HIBADH: variants seen among roughly 807,000 people sequenced by gnomAD.
HIBADH encodes the protein 3-hydroxyisobutyrate dehydrogenase, also known as 3-hydroxyisobutyrate dehydrogenase, mitochondrial.
In HIBADH, 25 loss-of-function variants were observed where a neutral mutation model predicts 36.1. The observed-to-expected ratio is 0.69, with a 90% confidence interval of 0.50 to 0.97. HIBADH has a LOEUF of 0.97. Ranked by LOEUF, HIBADH falls within the 50% of genes least tolerant of loss-of-function variation. The pLI, the probability that HIBADH is intolerant of heterozygous loss-of-function variation, is 0.00. For missense variants in HIBADH, 421 were observed against 418.0 expected, an observed-to-expected ratio of 1.01 and a Z score of -0.06; for synonymous variants, 160 against 149.5, an observed-to-expected ratio of 1.07 and a Z score of -0.51.
intron 4 of HIBADH, among the ~76,000 whole-genome samples, chr7:27,566,101 A>G (rs1411286652): frequency 6.6e-6 from 1 of 152,148 alleles, no homozygotes; most frequent in Non-Finnish European, 1.5e-5. Context: ...TGTGTACAGT[A>G]TAAAGAATAC....
chr7:27,526,462 A>T, intron 7 of HIBADH, 90 bp from the exon 8 acceptor site: 1 of 1,008,930 alleles, frequency 9.9e-7, no homozygotes, highest in Non-Finnish European at 1.4e-6. Flanking sequence ...TGAAAGAAGG[A>T]AAAATGTAAT....
intron 2 of HIBADH, among the ~76,000 whole-genome samples, chr7:27,648,068 A>C (rs570232452): frequency 6.6e-6 from 1 of 152,344 alleles, no homozygotes; most frequent in South Asian, 2.1e-4. Flanking sequence ...GCAATACCAA[A>C]TAGATGTGTT....
At chr7:27,651,316 T>C (rs1388003889) in intron 1 of HIBADH, among the ~76,000 whole-genome samples, 2 of 152,202 alleles carry the variant, frequency 1.3e-5, no homozygotes, top group African/African-American at 4.8e-5. Flanking sequence ...GTCATTTCTG[T>C]GCAACATCAT....
intron 4 of HIBADH, among the ~76,000 whole-genome samples, chr7:27,580,059 G>T (rs752725564): frequency 6.6e-6 from 1 of 152,248 alleles, no homozygotes; most frequent in South Asian, 2.1e-4. Context: ...AAGAGATATA[G>T]AACTAAATTA....
chr7:27,526,416 A>C, intron 7 of HIBADH, 44 bp from the exon 8 acceptor site: 1 of 1,543,508 alleles, frequency 6.5e-7, no homozygotes, highest in Non-Finnish European at 8.8e-7. Flanking sequence ...CTGGTGGTAA[A>C]GGCTCTTTGG....
In HIBADH at chr7:27,662,858, G is replaced by A. The variant is rs943406134; in HGVS notation, c.-70C>T. 8.9e-6 allele frequency: 11 copies of A among 1,236,922 alleles called. No homozygotes were observed. Among genetic ancestry groups the A allele is most frequent in the African/African-American group, 3.2e-5 (2 of 63,268 alleles). 76.6% of individuals were successfully genotyped at this position (1,236,922 alleles called of 1,614,324 possible). On this transcript the variant is annotated 5_prime_UTR_variant, in exon 1 of 8. Coordinates refer to ENST00000265395, the MANE Select transcript of HIBADH (RefSeq NM_152740.4). ...GAGGGCCCACAGACTGCGAGCGTGT[G>A]CAGCGGGACTGGCTGGCTCGCCCAC...
chr7:27,577,918 C>T (rs914911141), intron 4 of HIBADH, among the ~76,000 whole-genome samples: 6 of 152,174 alleles, frequency 3.9e-5, no homozygotes, highest in African/African-American at 9.7e-5. Context: ...TCTGCAACAA[C>T]TGAATCACCA....
chr7:27,645,382 T>TTTTTTTTTTTTTTTTTTTG (rs1562657294), intron 2 of HIBADH, among the ~76,000 whole-genome samples: 58 of 129,096 alleles, frequency 4.5e-4, no homozygotes, highest in African/African-American at 1.7e-3. Flanking sequence ...TTTTTTTTTT[T>TTTTTTTTTTTTTTTTTTTG]TTTTTTTTTT....
intron 4 of HIBADH, among the ~76,000 whole-genome samples, chr7:27,547,410 C>A (rs1253817700): frequency 4.6e-5 from 7 of 152,152 alleles, no homozygotes; most frequent in Non-Finnish European, 8.8e-5. Context: ...GCATTTATCA[C>A]CTCTTTAACA....
At chr7:27,655,656 T>C (rs1786285397) in intron 1 of HIBADH, among the ~76,000 whole-genome samples, 1 of 152,214 alleles carries the variant, frequency 6.6e-6, no homozygotes, top group African/African-American at 2.4e-5. Flanking sequence ...CTTTGTTTTA[T>C]ATGTAAAATA....
intron 2 of HIBADH, among the ~76,000 whole-genome samples, chr7:27,637,234 G>A (rs1785855908): frequency 6.6e-6 from 1 of 152,152 alleles, no homozygotes; most frequent in African/African-American, 2.4e-5. Flanking sequence ...GCAGAGAAAG[G>A]TTAAGTAATC....
intron 2 of HIBADH, among the ~76,000 whole-genome samples, chr7:27,633,300 C>T (rs1785780712): frequency 6.6e-6 from 1 of 152,152 alleles, no homozygotes; most frequent in African/African-American, 2.4e-5. Flanking sequence ...CCTGGCCAGC[C>T]AACTGGCAAC....
Position 27,632,421 on chromosome 7 carries a change from C to T in HIBADH, c.277G>A (p.Ala93Thr), listed in dbSNP as rs769756296. 6.2e-7 allele frequency: 1 copy of T among 1,613,126 alleles called. No individual in the cohort carries two copies. Among genetic ancestry groups the T allele is most frequent in the South Asian group, 1.1e-5 (1 of 91,054 alleles). The change falls in exon 3 of 8, where the codon GCT becomes ACT. Residue 93 changes from alanine to threonine, a missense_variant. Physicochemically the swap from Ala to Thr is moderately conservative, Grantham distance 58. Coordinates refer to ENST00000265395, the MANE Select transcript of HIBADH (RefSeq NM_152740.4). ...EQVVSSPADV[A>T]EKADRIITML... ...GTAATAATTCTGTCAGCTTTTTCAG[C>T]AACATCTGCTGGGGAAGATACTACC...
chr7:27,582,533 G>A (rs772000764), intron 4 of HIBADH, among the ~76,000 whole-genome samples: 2 of 151,932 alleles, frequency 1.3e-5, no homozygotes, highest in Non-Finnish European at 2.9e-5. Context: ...TGGCTTAGTC[G>A]TAGAATTATT....
At chr7:27,639,965 A>G (rs1785932290) in intron 2 of HIBADH, among the ~76,000 whole-genome samples, 1 of 152,160 alleles carries the variant, frequency 6.6e-6, no homozygotes. Flanking sequence ...GTTGTGAGAA[A>G]AGAAAAATAA....
intron 4 of HIBADH, among the ~76,000 whole-genome samples, chr7:27,613,354 TAGAA>T (rs1785366339): frequency 8.0e-6 from 1 of 125,706 alleles, no homozygotes; most frequent in Non-Finnish European, 1.6e-5. Flanking sequence ...CCCTGGATGG[TAGAA>T]AGAGCCTCGT....
At chr7:27,621,834 C>A (rs181051979) in intron 4 of HIBADH, among the ~76,000 whole-genome samples, 1 of 150,032 alleles carries the variant, frequency 6.7e-6, no homozygotes, top group Non-Finnish European at 1.5e-5. Flanking sequence ...TCTCTTCGCG[C>A]CACAATAAAA....
chr7:27,590,482 T>G (rs1784923473), intron 4 of HIBADH, among the ~76,000 whole-genome samples: 1 of 152,222 alleles, frequency 6.6e-6, no homozygotes, highest in African/African-American at 2.4e-5. Context: ...ACCATCTGAA[T>G]AGTTTCTTCT....
At chr7:27,528,796 T>C (rs1372669647) in intron 7 of HIBADH, among the ~76,000 whole-genome samples, 1 of 152,198 alleles carries the variant, frequency 6.6e-6, no homozygotes, top group Non-Finnish European at 1.5e-5. Flanking sequence ...AAACAACAGA[T>C]TTTCAGTGTA....
Sources: gnomAD v4.1 joint callset for allele counts (sites outside exome capture counted in the v4.1 genomes callset) on GRCh38, gnomAD v4.1.1 for gene constraint, MANE v1.5 for transcripts, NCBI Gene and HGNC (gene_info 2026-07-23, HGNC 2026-07-21) for gene names.